WDR49: variants seen among roughly 807,000 people sequenced by gnomAD.
The protein encoded by WDR49 is WD repeat domain 49.
In WDR49, 107 loss-of-function variants were observed where a neutral mutation model predicts 119.5. The observed-to-expected ratio is 0.90, with a 90% CI of 0.77 to 1.05. The LOEUF is 1.05. Among genes scored for constraint, WDR49 ranks in the 50% least tolerant of loss-of-function variants. The pLI, the probability that WDR49 is intolerant of heterozygous loss-of-function variation, is 0.00. For missense variants in WDR49, 1,240 were observed against 1,220.5 expected, an observed-to-expected ratio of 1.02 and a Z score of -0.24; for synonymous variants, 425 against 418.8, an observed-to-expected ratio of 1.01 and a Z score of -0.18.
intron 10 of WDR49, among the ~76,000 whole-genome samples, chr3:167,552,095 C>T (rs1277273694): frequency 1.3e-5 from 2 of 151,858 alleles, no homozygotes; most frequent in Non-Finnish European, 2.9e-5. Flanking sequence ...TGTGAACACC[C>T]TAAGCAAGCT....
chr3:167,615,177 G>T (rs898810716), intron 5 of WDR49, among the ~76,000 whole-genome samples: 2 of 152,096 alleles, frequency 1.3e-5, no homozygotes. Flanking sequence ...CCTTTCAGAG[G>T]TACTTGAGGA....
intron 10 of WDR49, among the ~76,000 whole-genome samples, chr3:167,538,116 T>A (rs951831571): frequency 6.6e-6 from 1 of 152,142 alleles, no homozygotes. Flanking sequence ...CAAACTGGCT[T>A]AGAGATTTCA....
At chr3:167,601,566 G>T (rs554508220) in intron 7 of WDR49, among the ~76,000 whole-genome samples, 2 of 152,168 alleles carry the variant, frequency 1.3e-5, no homozygotes, top group African/African-American at 4.8e-5. Context: ...AATAAATAGT[G>T]TTGTCAGGAT....
At position 167,483,715 on chromosome 3, in the gene WDR49, A is replaced by T. The variant is rs186540223; in HGVS notation, c.3032-4719T>A. ...TCCTTTTCTCCTGAGATCTCTTTTT[A>T]AAAAGATACCTGAAATGCTTACCTG... On this transcript the variant is annotated intron_variant, in intron 18 of 18. Transcript: ENST00000682715. Among the ~76,000 whole-genome samples, 318 of 152,296 alleles carry T rather than the reference A, an allele frequency of 2.1e-3. 1 individual carries two copies. The highest frequency in any genetic ancestry group is 3.7e-3 in the Non-Finnish European group (253 of 68,022).
At chr3:167,517,310 T>C (rs1026508637) in intron 16 of WDR49, among the ~76,000 whole-genome samples, 1 of 151,992 alleles carries the variant, frequency 6.6e-6, no homozygotes, top group African/African-American at 2.4e-5. Context: ...ATAGTACTGG[T>C]ACAAAAACAG....
At chr3:167,614,762 A>G (rs1391369907) in intron 5 of WDR49, among the ~76,000 whole-genome samples, 1 of 152,184 alleles carries the variant, frequency 6.6e-6, no homozygotes, top group Non-Finnish European at 1.5e-5. Flanking sequence ...AATTATTATC[A>G]TATTTGCTCA....
intron 10 of WDR49, among the ~76,000 whole-genome samples, chr3:167,544,065 C>CAAA (rs201464799): frequency 3.5e-5 from 5 of 143,928 alleles, no homozygotes; most frequent in Non-Finnish European, 4.6e-5. Context: ...AAGACAGCTG[C>CAAA]AAAAAAAAAA....
intron 17 of WDR49, among the ~76,000 whole-genome samples, chr3:167,504,556 G>A (rs962633451): frequency 2.0e-5 from 3 of 152,126 alleles, no homozygotes; most frequent in African/African-American, 4.8e-5. Flanking sequence ...CAGGCTTATA[G>A]GTGGAAGCAG....
chr3:167,636,536 AGTTTTACTTTTAGTTCTTT>A (rs1717628296), intron 2 of WDR49, among the ~76,000 whole-genome samples: 1 of 151,638 alleles, frequency 6.6e-6, no homozygotes, highest in Non-Finnish European at 1.5e-5. Flanking sequence ...ATCAAATGCT[AGTTTTACTTTTAGTTCTTT>A]AAAGAATCTC....
intron 11 of WDR49, among the ~76,000 whole-genome samples, chr3:167,536,610 G>A (rs898973823): frequency 3.3e-5 from 5 of 151,144 alleles, no homozygotes; most frequent in Non-Finnish European, 7.4e-5. Context: ...AACCTGGCAG[G>A]TGGAGGTTAC....
At chr3:167,544,561 C>G (rs1712048604) in intron 10 of WDR49, among the ~76,000 whole-genome samples, 1 of 151,996 alleles carries the variant, frequency 6.6e-6, no homozygotes, top group African/African-American at 2.4e-5. Flanking sequence ...GCCAACTAAT[C>G]TTTGACAAAG....
At chr3:167,534,968 A>G (rs1752972390) in intron 11 of WDR49, among the ~76,000 whole-genome samples, 1 of 152,176 alleles carries the variant, frequency 6.6e-6, no homozygotes, top group African/African-American at 2.4e-5. Context: ...CTCCTGGAAA[A>G]TGGACAATAC....
chr3:167,630,220 T>C (rs1717311179), intron 2 of WDR49, among the ~76,000 whole-genome samples: 1 of 152,098 alleles, frequency 6.6e-6, no homozygotes, highest in African/African-American at 2.4e-5. Flanking sequence ...ACCACCCTGA[T>C]CAGTCAGCAG....
At chr3:167,651,255 A>T (rs950329098) in intron 2 of WDR49, among the ~76,000 whole-genome samples, 6 of 152,200 alleles carry the variant, frequency 3.9e-5, no homozygotes, top group Admixed American at 3.9e-4. Flanking sequence ...AAAAATGAAG[A>T]TATAAAGGAA....
At chr3:167,565,439 T>C (rs959022723) in intron 8 of WDR49, among the ~76,000 whole-genome samples, 1 of 151,440 alleles carries the variant, frequency 6.6e-6, no homozygotes, top group African/African-American at 2.4e-5. Flanking sequence ...TGTGTATATA[T>C]GTAATATAGT....
chr3:167,586,438 G>T (rs2108292539), intron 7 of WDR49, among the ~76,000 whole-genome samples: 1 of 152,290 alleles, frequency 6.6e-6, no homozygotes, highest in Middle Eastern at 3.4e-3. Context: ...AATAGCAATA[G>T]AGAAGATTTC....
Position 167,615,325 on chromosome 3 carries a change from A to G in WDR49, c.958+5104T>C, listed in dbSNP as rs749838937. ...TAATTCTTGTGTTTTTTATAGAGAC[A>G]GGGTTTCACCATGTTGCTCAGGCTG... On this transcript the variant is annotated intron_variant, in intron 5 of 18. Coordinates refer to ENST00000682715, the MANE Select transcript of WDR49 (RefSeq NM_001366157.1). Among the ~76,000 whole-genome samples the G allele has an allele frequency of 5.3e-4, 80 of 152,148 alleles. 1 individual carries two copies. The highest frequency in any genetic ancestry group is 9.1e-4 in the Non-Finnish European group (62 of 67,980).
At chr3:167,584,699 A>G (rs1714717127) in intron 7 of WDR49, among the ~76,000 whole-genome samples, 1 of 152,140 alleles carries the variant, frequency 6.6e-6, no homozygotes, top group Non-Finnish European at 1.5e-5. Flanking sequence ...CAGATTATCC[A>G]AAAAATAACC....
intron 6 of WDR49, 113 bp from the exon 7 acceptor site, chr3:167,602,388 G>C: frequency 1.1e-6 from 1 of 931,650 alleles, no homozygotes; most frequent in Middle Eastern, 3.2e-4. Context: ...GTCAACTGTA[G>C]GTTGACTAAT....
Sources: gnomAD v4.1 joint callset for allele counts (sites outside exome capture counted in the v4.1 genomes callset) on GRCh38, gnomAD v4.1.1 for gene constraint, MANE v1.5 for transcripts, NCBI Gene and HGNC (gene_info 2026-07-23, HGNC 2026-07-21) for gene names.